CDKAL1: variants seen among roughly 807,000 people sequenced by gnomAD.
The protein encoded by CDKAL1 is CDKAL1 threonylcarbamoyladenosine tRNA methylthiotransferase.
In CDKAL1, 32 loss-of-function variants were observed where a neutral mutation model predicts 68.2. That is an observed-to-expected ratio of 0.47 (90% CI 0.35 to 0.63). CDKAL1 has a LOEUF of 0.63. Among genes scored for constraint, CDKAL1 ranks in the 30% least tolerant of loss-of-function variants. The pLI is 0.00. For synonymous variants in CDKAL1, 234 were observed against 244.3 expected (o/e 0.96, Z 0.39); for missense variants, 606 against 696.7 (o/e 0.87, Z 1.47).
chr6:21,067,804 A>G (rs1017565833), intron 12 of CDKAL1, among the ~76,000 whole-genome samples: 3 of 152,154 alleles, frequency 2.0e-5, no homozygotes, highest in Admixed American at 2.0e-4. Context: ...CAAATAGTTG[A>G]ATAAATTTGC....
intron 5 of CDKAL1, among the ~76,000 whole-genome samples, chr6:20,728,402 G>A (rs1772751133): frequency 6.6e-6 from 1 of 152,170 alleles, no homozygotes; most frequent in Non-Finnish European, 1.5e-5. Flanking sequence ...AGTTAGAAAT[G>A]GTGATGGTAG....
intron 10 of CDKAL1, among the ~76,000 whole-genome samples, chr6:20,990,227 A>G (rs920944137): frequency 3.3e-5 from 5 of 152,258 alleles, no homozygotes; most frequent in Middle Eastern, 3.2e-3. Context: ...TGGGCAAGAG[A>G]GCAAGACTCT....
At chr6:20,812,492 G>A (rs1042450935) in intron 8 of CDKAL1, among the ~76,000 whole-genome samples, 4 of 152,114 alleles carry the variant, frequency 2.6e-5, no homozygotes, top group African/African-American at 9.7e-5. Context: ...GATAATGAAC[G>A]TTTTCATCAC....
intron 5 of CDKAL1, among the ~76,000 whole-genome samples, chr6:20,703,523 A>T (rs935892572): frequency 2.0e-5 from 3 of 152,146 alleles, no homozygotes; most frequent in Admixed American, 2.0e-4. Context: ...TTTGTGATTC[A>T]TTTAAAAAAT....
At chr6:20,802,582 A>G (rs969732737) in intron 8 of CDKAL1, among the ~76,000 whole-genome samples, 1 of 152,232 alleles carries the variant, frequency 6.6e-6, no homozygotes, top group East Asian at 1.9e-4. Context: ...ATACACACAC[A>G]TATATAAGAA....
At chr6:21,120,671 A>C (rs572546513) in intron 13 of CDKAL1, among the ~76,000 whole-genome samples, 1 of 152,302 alleles carries the variant, frequency 6.6e-6, no homozygotes, top group African/African-American at 2.4e-5. Context: ...TTATATAGAT[A>C]TGTGCTTTTT....
At position 20,701,376 on chromosome 6, in the gene CDKAL1, C is replaced by A. The variant is rs546986058; in HGVS notation, c.372-38143C>A. ...CCGATGAATGGCAGTGCTGGGCCTG[C>A]ACTGTACTATTGCTGGAACCAAGTA... On this transcript the variant is annotated intron_variant, in intron 5 of 15. Coordinates refer to ENST00000274695, the MANE Select transcript of CDKAL1 (RefSeq NM_017774.3). Among the ~76,000 whole-genome samples the A allele has an allele frequency of 6.3e-4, 95 of 151,852 alleles. No homozygotes were observed. The Middle Eastern group carries it at 0.014, about 22-fold the overall frequency.
At chr6:20,962,802 A>G (rs375794135) in intron 10 of CDKAL1, among the ~76,000 whole-genome samples, 4 of 152,226 alleles carry the variant, frequency 2.6e-5, no homozygotes, top group African/African-American at 9.6e-5. Context: ...CAGCAAGGAA[A>G]TGGAAAGGAA....
intron 11 of CDKAL1, among the ~76,000 whole-genome samples, chr6:21,034,594 A>C (rs1438938792): frequency 2.0e-5 from 3 of 152,196 alleles, no homozygotes; most frequent in Non-Finnish European, 2.9e-5. Context: ...CTTGATAATA[A>C]GAGTGATCTG....
In CDKAL1 at chr6:21,115,992, C is replaced by T. The variant is rs1302885469; in HGVS notation, c.1299+7529C>T. The stretch of plus-strand genomic sequence containing the variant: ...CCATTCCTTGCATCCTCATCAATGC[C>T]AACCTAATCCAAAGGCATTTTTCTC... On this transcript the variant is annotated intron_variant, in intron 13 of 15. Transcript: ENST00000274695. 2.6e-5 allele frequency among the ~76,000 whole-genome samples: 4 copies of T among 152,178 alleles called. No homozygotes were observed. In the East Asian group the frequency reaches 7.7e-4, roughly 29 times the overall value.
chr6:20,749,014 A>G (rs995420245), intron 6 of CDKAL1, among the ~76,000 whole-genome samples: 28 of 139,216 alleles, frequency 2.0e-4, no homozygotes, highest in Admixed American at 2.8e-4. Flanking sequence ...TATATATAAA[A>G]TGTATTCACT....
chr6:20,628,541 TG>T (rs1284040626), intron 4 of CDKAL1, among the ~76,000 whole-genome samples: 1 of 152,186 alleles, frequency 6.6e-6, no homozygotes, highest in Non-Finnish European at 1.5e-5. Flanking sequence ...TTTCTTATTT[TG>T]GCTTTTAAAA....
chr6:20,538,876 G>A (rs1763278713), intron 2 of CDKAL1, among the ~76,000 whole-genome samples: 1 of 152,194 alleles, frequency 6.6e-6, no homozygotes, highest in South Asian at 2.1e-4. Context: ...AGTAACTATT[G>A]TGTGCCTGCT....
chr6:21,026,385 T>C (rs754609217), intron 11 of CDKAL1, among the ~76,000 whole-genome samples: 7 of 152,172 alleles, frequency 4.6e-5, no homozygotes, highest in Admixed American at 3.9e-4. Context: ...AATAAGTTTC[T>C]TGTTGCTGTC....
intron 9 of CDKAL1, among the ~76,000 whole-genome samples, chr6:20,928,694 T>C (rs1224713438): frequency 4.6e-5 from 7 of 150,660 alleles, no homozygotes; most frequent in Admixed American, 1.3e-4. Context: ...TCTTTTTTTT[T>C]TTTTTTTTTT....
intron 9 of CDKAL1, among the ~76,000 whole-genome samples, chr6:20,943,898 G>A (rs925934014): frequency 2.0e-5 from 3 of 152,052 alleles, no homozygotes; most frequent in African/African-American, 7.2e-5. Context: ...CCCAGCCTGG[G>A]CAAAATAGTG....
At chr6:21,130,808 G>A (rs1008848996) in intron 13 of CDKAL1, among the ~76,000 whole-genome samples, 4 of 152,180 alleles carry the variant, frequency 2.6e-5, no homozygotes, top group Non-Finnish European at 5.9e-5. Context: ...CACAGCCATC[G>A]CCCAAAGAGT....
At chr6:21,170,212 G>A (rs1777323858) in intron 13 of CDKAL1, among the ~76,000 whole-genome samples, 1 of 152,246 alleles carries the variant, frequency 6.6e-6, no homozygotes, top group Non-Finnish European at 1.5e-5. Context: ...GTCTGCAGAA[G>A]AAGCACTGGT....
intron 11 of CDKAL1, among the ~76,000 whole-genome samples, chr6:21,003,520 C>A (rs978452177): frequency 1.3e-5 from 2 of 148,260 alleles, no homozygotes; most frequent in Non-Finnish European, 3.0e-5. Flanking sequence ...AAGCTGAGAT[C>A]GTGCCACTGC....
Sources: gnomAD v4.1 joint callset for allele counts (sites outside exome capture counted in the v4.1 genomes callset) on GRCh38, gnomAD v4.1.1 for gene constraint, MANE v1.5 for transcripts, NCBI Gene and HGNC (gene_info 2026-07-23, HGNC 2026-07-21) for gene names.